Variants in LHX8 observed in about 807,000 individuals in gnomAD.
LHX8 encodes the protein LIM/homeobox protein Lhx8.
Under a neutral mutation model 40.3 loss-of-function variants are expected in LHX8, and 12 were observed. The ratio of observed to expected loss-of-function variants is 0.30; its 90% CI spans 0.19 to 0.48. The LOEUF (loss-of-function observed/expected upper bound fraction) is 0.48, where lower values mean the gene tolerates loss of function less well. Ranked by LOEUF, LHX8 falls within the 20% of genes least tolerant of loss-of-function variation. The pLI is 0.99. For synonymous variants in LHX8, 179 were observed against 162.0 expected, an observed-to-expected ratio of 1.10 and a Z score of -0.80; for missense variants, 344 against 433.7, an observed-to-expected ratio of 0.79 and a Z score of 1.84.
chr1:75,175,479 GA>G, the LHX8 span, among the ~76,000 whole-genome samples: 2 of 152,022 alleles, frequency 1.3e-5, no homozygotes, highest in African/African-American at 4.8e-5. Context: ...GTTTATTTTT[GA>G]TTTTTTAATT....
intron 4 of LHX8, 92 bp from the exon 5 acceptor site, chr1:75,143,026 T>G (rs1648359013): frequency 2.1e-6 from 2 of 948,156 alleles, no homozygotes; most frequent in Non-Finnish European, 3.4e-6. Flanking sequence ...GTTATTTCAA[T>G]GGGGTAAGAT....
the LHX8 span, among the ~76,000 whole-genome samples, chr1:75,173,503 C>A: frequency 6.6e-6 from 1 of 151,334 alleles, no homozygotes; most frequent in Non-Finnish European, 1.5e-5. Flanking sequence ...CTGCCTCAGC[C>A]TCCCGAGTAG....
chr1:75,130,684 C>A, upstream of LHX8: 1 of 1,610,898 alleles, frequency 6.2e-7, no homozygotes, highest in Non-Finnish European at 8.5e-7. Flanking sequence ...CAAGGTGAGC[C>A]CGTATACAGC....
chr1:75,180,838 T>G, the LHX8 span, among the ~76,000 whole-genome samples: 3 of 152,204 alleles, frequency 2.0e-5, no homozygotes, highest in South Asian at 6.2e-4. Flanking sequence ...TTATCTACCT[T>G]TGGTTTTTGA....
the LHX8 span, among the ~76,000 whole-genome samples, chr1:75,184,146 C>T: frequency 1.3e-5 from 2 of 152,156 alleles, no homozygotes; most frequent in Non-Finnish European, 2.9e-5. Flanking sequence ...TAGAGACTCA[C>T]GAAGATACTT....
chr1:75,195,997 G>A, the LHX8 span, among the ~76,000 whole-genome samples: 1 of 152,222 alleles, frequency 6.6e-6, no homozygotes, highest in Non-Finnish European at 1.5e-5. Flanking sequence ...GTGCCTTCAT[G>A]GGACTTATAG....
chr1:75,196,813 A>G, the LHX8 span, among the ~76,000 whole-genome samples: 1 of 152,138 alleles, frequency 6.6e-6, no homozygotes, highest in Non-Finnish European at 1.5e-5. Context: ...CTCCTAACAC[A>G]TATACTTGCA....
Position 75,137,124 on chromosome 1 carries a change from G to C in LHX8, c.100G>C (p.Glu34Gln). Residue 34 changes from glutamate to glutamine, a missense_variant, in exon 3 of 9, where the codon GAG (glutamate) becomes CAG (glutamine). Coordinates refer to ENST00000356261, the MANE Select transcript of LHX8 (RefSeq NM_001256114.2). ...GLVSPEGAGD[E>Q]DSCSSSAPLS... ...GGTGAGCCCCGAGGGAGCGGGGGAC[G>C]AGGACTCGTGCTCCTCCTCGGCCCC... 1 of 1,608,926 alleles carries C rather than the reference G, an allele frequency of 6.2e-7. No homozygotes were observed. Among genetic ancestry groups the C allele is most frequent in the South Asian group, 1.1e-5 (1 of 90,944 alleles).
At chr1:75,137,318 T>C (rs1648177432) in intron 3 of LHX8, 57 bp downstream of exon 3, 1 of 1,541,290 alleles carries the variant, frequency 6.5e-7, no homozygotes, top group Non-Finnish European at 9.0e-7. Flanking sequence ...GTGGGAGCTC[T>C]GGGAAAAGAG....
chr1:75,151,065 G>A (rs1458862543), intron 7 of LHX8, among the ~76,000 whole-genome samples: 3 of 152,180 alleles, frequency 2.0e-5, no homozygotes, highest in Non-Finnish European at 4.4e-5. Flanking sequence ...TCAGGGAGGG[G>A]AAAGGCAAAT....
chr1:75,133,807 A>T (rs1470657942), upstream of LHX8, among the ~76,000 whole-genome samples: 1 of 152,208 alleles, frequency 6.6e-6, no homozygotes, highest in Non-Finnish European at 1.5e-5. Context: ...CATTAGCAAC[A>T]TACTTTTGTC....
the LHX8 span, among the ~76,000 whole-genome samples, chr1:75,178,241 A>C: frequency 1.3e-5 from 2 of 152,180 alleles, no homozygotes; most frequent in Admixed American, 1.3e-4. Context: ...ATAGTTTAGA[A>C]GGAATGGTAC....
At chr1:75,192,493 G>C in the LHX8 span, among the ~76,000 whole-genome samples, 3 of 152,142 alleles carry the variant, frequency 2.0e-5, no homozygotes, top group Non-Finnish European at 4.4e-5. Context: ...ACTTAATGTT[G>C]TTATTTCTCT....
At chr1:75,130,290 C>T (rs1472605694), upstream of LHX8, 1 of 220,996 alleles carries the variant, frequency 4.5e-6, no homozygotes, top group African/African-American at 2.2e-5. Flanking sequence ...CTCTGCGAAC[C>T]GGCTGGAAAG....
chr1:75,132,756 AAC>A (rs373753523), upstream of LHX8: 13,453 of 146,048 alleles, frequency 0.092, 638 homozygotes, highest in African/African-American at 0.12. Context: ...TTTAAACCCT[AAC>A]ACACACACAC....
chr1:75,142,140 T>C (rs1648330354), intron 4 of LHX8, among the ~76,000 whole-genome samples: 1 of 152,176 alleles, frequency 6.6e-6, no homozygotes, highest in South Asian at 2.1e-4. Flanking sequence ...CTTAAAGCCC[T>C]TTGAAAGGTT....
chr1:75,167,958 G>A, the LHX8 span, among the ~76,000 whole-genome samples: 1 of 152,164 alleles, frequency 6.6e-6, no homozygotes, highest in African/African-American at 2.4e-5. Context: ...GTTTTTATCT[G>A]AGTTACCCAA....
the LHX8 span, among the ~76,000 whole-genome samples, chr1:75,186,771 C>T: frequency 6.6e-6 from 1 of 152,074 alleles, no homozygotes; most frequent in Non-Finnish European, 1.5e-5. Flanking sequence ...TCAGGAAATA[C>T]CATGCAGGGC....
chr1:75,186,133 T>A, the LHX8 span, among the ~76,000 whole-genome samples: 2 of 152,110 alleles, frequency 1.3e-5, no homozygotes, highest in Non-Finnish European at 2.9e-5. Context: ...AATTTATAGA[T>A]CCAATGCTAC....
Sources: allele counts gnomAD v4.1 joint callset (sites outside exome capture counted in the v4.1 genomes callset), GRCh38; gene constraint gnomAD v4.1.1; transcripts MANE v1.5; gene names NCBI Gene and HGNC (gene_info 2026-07-23, HGNC 2026-07-21).